Variants in KLHL13 observed in about 807,000 individuals in gnomAD.
The protein encoded by KLHL13 is kelch-like protein 13.
A neutral mutation model predicts 37.1 loss-of-function variants in KLHL13; 10 were observed. That is an observed-to-expected ratio of 0.27 (90% CI 0.17 to 0.46). The LOEUF is 0.46. Ranked by LOEUF, KLHL13 falls within the 20% of genes least tolerant of loss-of-function variation. The pLI, the probability that KLHL13 is intolerant of heterozygous loss-of-function variation, is 1.00. For synonymous variants in KLHL13, 163 were observed against 181.2 expected (o/e 0.90, Z 0.81); for missense variants, 360 against 509.3 (o/e 0.71, Z 2.82).
intron 1 of KLHL13, among the ~76,000 whole-genome samples, chrX:118,018,907 C>T (rs188066471): frequency 9.0e-6 from 1 of 111,278 alleles, no homozygotes; most frequent in Non-Finnish European, 1.9e-5. Context: ...TATAGATATA[C>T]AAGCCTAACC....
intron 2 of KLHL13, among the ~76,000 whole-genome samples, chrX:117,921,497 G>A (rs749537115): frequency 2.1e-4 from 23 of 111,832 alleles, no homozygotes; most frequent in Non-Finnish European, 4.1e-4. Context: ...TGGCAAGATT[G>A]AGTCTGTAGT....
intron 1 of KLHL13, among the ~76,000 whole-genome samples, chrX:118,007,806 T>C (rs2054004164): frequency 8.9e-6 from 1 of 111,816 alleles, no homozygotes; most frequent in African/African-American, 3.2e-5. Context: ...AGAATCATAG[T>C]ATGCCTATCT....
At chrX:118,003,225 G>A (rs1286289618) in intron 1 of KLHL13, among the ~76,000 whole-genome samples, 1 of 112,039 alleles carries the variant, frequency 8.9e-6, no homozygotes, top group Non-Finnish European at 1.9e-5. Context: ...AAAATGAAAG[G>A]CTTCACTCTG....
At chrX:117,997,829 A>G (rs1237022049) in intron 1 of KLHL13, among the ~76,000 whole-genome samples, 1 of 111,939 alleles carries the variant, frequency 8.9e-6, no homozygotes, top group Non-Finnish European at 1.9e-5. Flanking sequence ...CTAGTTTGTA[A>G]GTACCCCTGA....
intron 1 of KLHL13, among the ~76,000 whole-genome samples, chrX:118,030,340 A>C (rs1738454742): frequency 1.8e-5 from 2 of 112,143 alleles, no homozygotes; most frequent in African/African-American, 6.5e-5. Flanking sequence ...TGAGATGTTA[A>C]AATTTTTTAA....
At chrX:117,988,329 T>C (rs1404868547) in intron 1 of KLHL13, among the ~76,000 whole-genome samples, 8 of 111,823 alleles carry the variant, frequency 7.2e-5, no homozygotes, top group Non-Finnish European at 1.5e-4. Context: ...TTACATTCCA[T>C]GTAAAATACC....
intron 1 of KLHL13, among the ~76,000 whole-genome samples, chrX:118,049,604 C>A (rs1277892204): frequency 2.7e-5 from 3 of 110,003 alleles, no homozygotes; most frequent in Non-Finnish European, 5.7e-5. Context: ...TACAGTAAAT[C>A]TAAAAATTGA....
intron 1 of KLHL13, among the ~76,000 whole-genome samples, chrX:118,032,333 A>C (rs2054363736): frequency 8.9e-6 from 1 of 112,163 alleles, no homozygotes; most frequent in African/African-American, 3.3e-5. Flanking sequence ...ACAGACTTAA[A>C]TGTCCCTGTC....
intron 1 of KLHL13, among the ~76,000 whole-genome samples, chrX:118,100,958 A>T (rs2055281382): frequency 9.0e-6 from 1 of 111,407 alleles, no homozygotes; most frequent in African/African-American, 3.3e-5. Context: ...ATGTCTATAC[A>T]TATCATCTGT....
intron 1 of KLHL13, among the ~76,000 whole-genome samples, chrX:118,115,315 G>A (rs2055455827): frequency 8.9e-6 from 1 of 112,539 alleles, no homozygotes; most frequent in Non-Finnish European, 1.9e-5. Context: ...CACACTAATT[G>A]CAGTATGAAA....
At chrX:117,925,546 T>C (rs919344127) in intron 2 of KLHL13, among the ~76,000 whole-genome samples, 1 of 111,985 alleles carries the variant, frequency 8.9e-6, no homozygotes, top group African/African-American at 3.2e-5. Context: ...AAGGAACAGA[T>C]GCACTTAAGT....
chrX:117,920,021 G>GA (rs1470862672), intron 3 of KLHL13, among the ~76,000 whole-genome samples: 1 of 106,319 alleles, frequency 9.4e-6, no homozygotes, highest in African/African-American at 3.4e-5. Flanking sequence ...ATATAAGCTT[G>GA]AAAAAGAAAA....
intron 1 of KLHL13, among the ~76,000 whole-genome samples, chrX:118,056,468 CAT>C (rs1400565595): frequency 9.0e-6 from 1 of 111,516 alleles, no homozygotes; most frequent in Admixed American, 9.5e-5. Context: ...TTGTAAAAGT[CAT>C]AATTAAGTAC....
chrX:118,094,109 T>A (rs981663343), intron 1 of KLHL13, among the ~76,000 whole-genome samples: 5 of 109,590 alleles, frequency 4.6e-5, no homozygotes, highest in Admixed American at 9.8e-5. Context: ...AACCTCCTCC[T>A]TTAGTTCAAG....
intron 1 of KLHL13, among the ~76,000 whole-genome samples, chrX:118,070,275 T>C (rs145376891): frequency 0.012 from 1,330 of 112,630 alleles, 20 homozygotes; most frequent in African/African-American, 0.04. Context: ...AAGTTTTGCT[T>C]ACGCTGCACC....
chrX:117,994,004 G>A (rs1347018320), intron 1 of KLHL13, among the ~76,000 whole-genome samples: 2 of 111,009 alleles, frequency 1.8e-5, no homozygotes, highest in Non-Finnish European at 3.8e-5. Flanking sequence ...CCAAAGTGCT[G>A]GGATTACAGG....
At chrX:118,001,628 C>T (rs960279514) in intron 1 of KLHL13, among the ~76,000 whole-genome samples, 1 of 111,140 alleles carries the variant, frequency 9.0e-6, no homozygotes, top group East Asian at 2.8e-4. Flanking sequence ...TTTTGGGAGG[C>T]TGAGGCAGGT....
At chrX:118,027,774 A>G (rs1473597929) in intron 1 of KLHL13, among the ~76,000 whole-genome samples, 1 of 111,119 alleles carries the variant, frequency 9.0e-6, no homozygotes, top group Non-Finnish European at 1.9e-5. Context: ...AAATTGAGGT[A>G]TAGAATGACT....
intron 1 of KLHL13, among the ~76,000 whole-genome samples, chrX:118,096,775 T>C (rs1329021148): frequency 3.6e-5 from 4 of 111,710 alleles, no homozygotes; most frequent in Non-Finnish European, 7.5e-5. Flanking sequence ...TGGTTCAATA[T>C]ACGCAAATCA....
Sources: allele counts gnomAD v4.1 joint callset (sites outside exome capture counted in the v4.1 genomes callset), GRCh38; gene constraint gnomAD v4.1.1; transcripts MANE v1.5; gene names NCBI Gene and HGNC (gene_info 2026-07-23, HGNC 2026-07-21).